ANKFN1: variants seen among roughly 807,000 people sequenced by gnomAD.
The protein encoded by ANKFN1 is ankyrin repeat and fibronectin type III domain containing 1.
In ANKFN1, 74 loss-of-function variants were observed where a neutral mutation model predicts 108.7. The ratio of observed to expected loss-of-function variants is 0.68; its 90% CI spans 0.56 to 0.83. The LOEUF (loss-of-function observed/expected upper bound fraction) is 0.83. Among genes scored for constraint, ANKFN1 ranks in the 40% least tolerant of loss-of-function variants. The pLI, the probability that ANKFN1 is intolerant of heterozygous loss-of-function variation, is 0.00. For synonymous variants in ANKFN1, 547 were observed against 516.2 expected (o/e 1.06, Z -0.81); for missense variants, 1,505 against 1,382.3 (o/e 1.09, Z -1.41).
At chr17:56,507,722 T>C (rs184220459) in intron 20 of ANKFN1, among the ~76,000 whole-genome samples, 1 of 152,318 alleles carries the variant, frequency 6.6e-6, no homozygotes, top group African/African-American at 2.4e-5. Context: ...TACTAATAAC[T>C]TTGAGGCCTA....
At chr17:56,100,742 A>G (rs1905630324) in intron 4 of ANKFN1, among the ~76,000 whole-genome samples, 1 of 152,184 alleles carries the variant, frequency 6.6e-6, no homozygotes, top group Non-Finnish European at 1.5e-5. Context: ...AGACCTGAGC[A>G]TCCTCAGGGG....
rs1350256585 is a variant in ANKFN1, at chr17:56,516,252, A to T, written c.*4983A>T. ...CATCAGTTTGATGTTTGTGATTTTTAAAAAAGTGTGTGTGTGTGTGTGTGT... is the reference window on the plus strand; with the variant it reads ...CATCAGTTTGATGTTTGTGATTTTTTAAAAAGTGTGTGTGTGTGTGTGTGT... On this transcript the variant is annotated 3_prime_UTR_variant, in exon 21 of 21. Transcript: ENST00000682825. Among the ~76,000 whole-genome samples, 2 of 143,978 alleles carry T rather than the reference A, an allele frequency of 1.4e-5. No individual in the cohort carries two copies. The highest frequency in any genetic ancestry group is 6.7e-5 in the Admixed American group (1 of 14,874). 94.5% of individuals were successfully genotyped at this position (143,978 alleles called of 152,430 possible). A position where few individuals can be genotyped will look rare whatever the true frequency, so the allele number is the denominator to read the frequency against.
intron 3 of ANKFN1, among the ~76,000 whole-genome samples, chr17:56,302,517 C>CAAAA (rs774091391): frequency 1.2e-4 from 12 of 96,382 alleles, no homozygotes; most frequent in African/African-American, 3.6e-4. Context: ...CTAGCCTCTA[C>CAAAA]AAAAAAAAAA....
chr17:56,063,639 C>A (rs1365234241), intron 4 of ANKFN1, among the ~76,000 whole-genome samples: 1 of 151,866 alleles, frequency 6.6e-6, no homozygotes, highest in Admixed American at 6.6e-5. Context: ...CTGTAGTTAG[C>A]AGTTCCTCTA....
At chr17:56,436,522 T>G (rs2048935139) in intron 8 of ANKFN1, among the ~76,000 whole-genome samples, 1 of 152,190 alleles carries the variant, frequency 6.6e-6, no homozygotes, top group Admixed American at 6.5e-5. Flanking sequence ...TGAGTTAACC[T>G]TCTTAGAATT....
chr17:56,313,212 AG>A (rs2045097841), intron 3 of ANKFN1, among the ~76,000 whole-genome samples: 1 of 152,026 alleles, frequency 6.6e-6, no homozygotes, highest in Non-Finnish European at 1.5e-5. Context: ...ACATGAGGGA[AG>A]GGTATTTCCT....
chr17:56,489,607 G>A (rs186197845), intron 18 of ANKFN1, among the ~76,000 whole-genome samples: 3 of 152,254 alleles, frequency 2.0e-5, no homozygotes, highest in African/African-American at 7.2e-5. Flanking sequence ...ACAAGAGAAA[G>A]CTGTGAACAC....
chr17:56,325,071 T>G (rs1037425250), intron 3 of ANKFN1, among the ~76,000 whole-genome samples: 1 of 152,240 alleles, frequency 6.6e-6, no homozygotes, highest in African/African-American at 2.4e-5. Context: ...GACTTTCTCC[T>G]GACTTGCTAC....
chr17:56,431,899 G>A (rs559718969), intron 8 of ANKFN1, among the ~76,000 whole-genome samples: 1 of 152,312 alleles, frequency 6.6e-6, no homozygotes, highest in East Asian at 1.9e-4. Flanking sequence ...TGCTCTCCTT[G>A]CTCTGTTCCT....
At chr17:56,135,003 G>A (rs777854626) in intron 4 of ANKFN1, among the ~76,000 whole-genome samples, 8 of 152,056 alleles carry the variant, frequency 5.3e-5, no homozygotes, top group African/African-American at 1.7e-4. Flanking sequence ...TCATTCATGC[G>A]GTGAAGAGGT....
intron 4 of ANKFN1, among the ~76,000 whole-genome samples, chr17:56,144,169 A>C (rs1161818093): frequency 1.0e-4 from 12 of 117,622 alleles, no homozygotes; most frequent in South Asian, 3.6e-4. Flanking sequence ...AAAAAAAAAA[A>C]AAAAAAAAAA....
intron 16 of ANKFN1, among the ~76,000 whole-genome samples, chr17:56,479,758 C>T (rs1324440819): frequency 6.6e-6 from 1 of 152,208 alleles, no homozygotes; most frequent in African/African-American, 2.4e-5. Context: ...ATGTCAGCAC[C>T]TCCTCTCTTT....
At chr17:56,339,097 T>C (rs912740697) in intron 4 of ANKFN1, among the ~76,000 whole-genome samples, 34 of 152,108 alleles carry the variant, frequency 2.2e-4, no homozygotes, top group African/African-American at 7.0e-4. Flanking sequence ...TGAAAATTAG[T>C]TTTTTTACTT....
At position 56,203,694 on chromosome 17, in the gene ANKFN1, T is replaced by C. The variant is rs118113406; in HGVS notation, c.-70-8904T>C. On this transcript the variant is annotated intron_variant, in intron 1 of 20. Transcript: ENST00000682825. Reference sequence around the variant, plus strand: ...TTTACTCATTGGCTAGAACTAGTCATGTGATTTCATTCATGTACAAACGAG... The same window carrying C: ...TTTACTCATTGGCTAGAACTAGTCACGTGATTTCATTCATGTACAAACGAG... 1.6e-4 allele frequency among the ~76,000 whole-genome samples: 24 copies of C among 152,326 alleles called. No individual in the cohort carries two copies. The East Asian group carries it at 4.6e-3, about 29-fold the overall frequency.
chr17:56,497,552 T>G (rs2051238149), intron 19 of ANKFN1, among the ~76,000 whole-genome samples: 1 of 152,140 alleles, frequency 6.6e-6, no homozygotes, highest in African/African-American at 2.4e-5. Flanking sequence ...TCTTAATGAG[T>G]AGGTTTTAAG....
At chr17:56,175,382 TG>T (rs1911053490) in intron 1 of ANKFN1, among the ~76,000 whole-genome samples, 1 of 152,188 alleles carries the variant, frequency 6.6e-6, no homozygotes, top group Non-Finnish European at 1.5e-5. Flanking sequence ...TATAACTGGT[TG>T]GGAGTGAAGA....
intron 3 of ANKFN1, among the ~76,000 whole-genome samples, chr17:56,292,769 A>C (rs895370128): frequency 4.6e-5 from 7 of 152,332 alleles, no homozygotes; most frequent in Middle Eastern, 3.4e-3. Flanking sequence ...GAAAACTAGC[A>C]TGCTAGAAAA....
chr17:56,250,466 A>G (rs1405240919), intron 3 of ANKFN1, among the ~76,000 whole-genome samples: 1 of 152,266 alleles, frequency 6.6e-6, no homozygotes, highest in African/African-American at 2.4e-5. Flanking sequence ...GTTCCTATCC[A>G]AAAATAAAAA....
intron 20 of ANKFN1, among the ~76,000 whole-genome samples, chr17:56,508,075 A>G (rs2051625644): frequency 6.6e-6 from 1 of 152,110 alleles, no homozygotes; most frequent in Non-Finnish European, 1.5e-5. Context: ...CTGGACTTCT[A>G]TTTTCTTCCA....
Sources: allele counts gnomAD v4.1 joint callset (sites outside exome capture counted in the v4.1 genomes callset), GRCh38; gene constraint gnomAD v4.1.1; transcripts MANE v1.5; gene names NCBI Gene and HGNC (gene_info 2026-07-23, HGNC 2026-07-21).